Variants in APBA1 observed in about 807,000 individuals in gnomAD.
The protein encoded by APBA1 is amyloid-beta A4 precursor protein-binding family A member 1.
APBA1 carries 55 observed loss-of-function variants against 86.6 expected under a neutral mutation model. That is an observed-to-expected ratio of 0.64 (90% CI 0.51 to 0.80). The LOEUF (loss-of-function observed/expected upper bound fraction) is 0.80, where lower values mean the gene tolerates loss of function less well. Ranked by LOEUF, APBA1 falls within the 30% of genes least tolerant of loss-of-function variation. The probability of loss-of-function intolerance (pLI) is 0.00; values close to 1 mark genes in which losing one functional copy is unlikely to be tolerated. For synonymous variants in APBA1, 511 were observed against 493.9 expected (o/e 1.03, Z -0.46); for missense variants, 1,090 against 1,183.0 (o/e 0.92, Z 1.15).
intron 1 of APBA1, among the ~76,000 whole-genome samples, chr9:69,556,336 C>T (rs1053897245): frequency 5.3e-5 from 8 of 152,218 alleles, no homozygotes; most frequent in African/African-American, 1.9e-4. Context: ...TCAGTCCACA[C>T]TAAAGACTGA....
chr9:69,594,126 C>T (rs1822184247), intron 1 of APBA1, among the ~76,000 whole-genome samples: 1 of 152,136 alleles, frequency 6.6e-6, no homozygotes, highest in South Asian at 2.1e-4. Context: ...CCTGCTGGTT[C>T]TGTCCAACTT....
intron 1 of APBA1, among the ~76,000 whole-genome samples, chr9:69,539,548 C>G (rs781734719): frequency 2.0e-5 from 3 of 152,226 alleles, no homozygotes; most frequent in Non-Finnish European, 4.4e-5. Flanking sequence ...ACCATGTCAA[C>G]AGCTTCCTAA....
intron 1 of APBA1, among the ~76,000 whole-genome samples, chr9:69,520,253 A>G (rs1178009682): frequency 6.6e-6 from 1 of 152,204 alleles, no homozygotes; most frequent in East Asian, 1.9e-4. Context: ...TACGCTGGCA[A>G]CTTTGGGAGT....
intron 1 of APBA1, among the ~76,000 whole-genome samples, chr9:69,566,903 G>A (rs990160843): frequency 1.3e-5 from 2 of 151,912 alleles, no homozygotes; most frequent in African/African-American, 4.8e-5. Context: ...GGTCACAGTC[G>A]GCCTCACCCT....
intron 1 of APBA1, among the ~76,000 whole-genome samples, chr9:69,654,879 CA>C (rs1206208514): frequency 6.6e-6 from 1 of 152,076 alleles, no homozygotes; most frequent in African/African-American, 2.4e-5. Flanking sequence ...GGATTCATCC[CA>C]GGGGTGAAAG....
chr9:69,500,099 G>T (rs1245439461), intron 2 of APBA1, among the ~76,000 whole-genome samples: 1 of 152,084 alleles, frequency 6.6e-6, no homozygotes, highest in Non-Finnish European at 1.5e-5. Context: ...AAGGCTGACG[G>T]TATAATGCTG....
Position 69,590,683 on chromosome 9 carries a change from A to G in APBA1, c.-69-73404T>C, listed in dbSNP as rs116152787. 5.9e-3 allele frequency among the ~76,000 whole-genome samples: 904 copies of G among 152,292 alleles called. 10 individuals carry two copies. The highest frequency in any genetic ancestry group is 0.021 in the African/African-American group (856 of 41,574). On this transcript the variant is annotated intron_variant, in intron 1 of 12. Coordinates refer to ENST00000265381, the MANE Select transcript of APBA1 (RefSeq NM_001163.4). ...GAAATAATCACCCTCAATTTCCAGAAAGAGAACCGTGCTCTAATGCCCACG... is the reference window on the plus strand; with the variant it reads ...GAAATAATCACCCTCAATTTCCAGAGAGAGAACCGTGCTCTAATGCCCACG...
chr9:69,463,524 A>G (rs1272946669), intron 5 of APBA1: 1 of 152,248 alleles, frequency 6.6e-6, no homozygotes. Flanking sequence ...TACAGTTGGT[A>G]CTACATGAGT....
chr9:69,495,112 G>A (rs186086960), intron 2 of APBA1, among the ~76,000 whole-genome samples: 4 of 152,090 alleles, frequency 2.6e-5, no homozygotes, highest in South Asian at 2.1e-4. Flanking sequence ...CTGAGTGGTC[G>A]AGCAGCCTTT....
intron 1 of APBA1, among the ~76,000 whole-genome samples, chr9:69,592,921 T>A (rs1043409585): frequency 3.3e-4 from 50 of 152,232 alleles, no homozygotes; most frequent in African/African-American, 1.2e-3. Flanking sequence ...AATACATTAA[T>A]AGGAACTGAG....
intron 1 of APBA1, among the ~76,000 whole-genome samples, chr9:69,574,362 G>C (rs1355783365): frequency 2.0e-5 from 3 of 152,134 alleles, no homozygotes; most frequent in Non-Finnish European, 2.9e-5. Context: ...TCTCCAACCA[G>C]TTTCCCCTCC....
At chr9:69,584,303 A>T (rs1246744558) in intron 1 of APBA1, among the ~76,000 whole-genome samples, 3 of 152,180 alleles carry the variant, frequency 2.0e-5, no homozygotes, top group Non-Finnish European at 2.9e-5. Flanking sequence ...TAGTGGATGA[A>T]AAAGGTTAAC....
At chr9:69,485,234 A>G (rs1447352322) in intron 2 of APBA1, among the ~76,000 whole-genome samples, 1 of 152,056 alleles carries the variant, frequency 6.6e-6, no homozygotes, top group African/African-American at 2.4e-5. Context: ...TGTCTAATGG[A>G]AGCCTAAAAA....
At chr9:69,623,164 ATC>A (rs1175164742) in intron 1 of APBA1, among the ~76,000 whole-genome samples, 1 of 152,052 alleles carries the variant, frequency 6.6e-6, no homozygotes, top group Non-Finnish European at 1.5e-5. Context: ...TACATTATCA[ATC>A]TACAGTTGTT....
intron 6 of APBA1, among the ~76,000 whole-genome samples, chr9:69,457,372 C>G (rs1835116784): frequency 6.6e-6 from 1 of 152,138 alleles, no homozygotes; most frequent in African/African-American, 2.4e-5. Context: ...TTCTTCTTCC[C>G]CTATAGAAGC....
At chr9:69,543,915 T>C (rs1836657857) in intron 1 of APBA1, among the ~76,000 whole-genome samples, 1 of 152,204 alleles carries the variant, frequency 6.6e-6, no homozygotes, top group African/African-American at 2.4e-5. Flanking sequence ...TTGCACAGTA[T>C]AAAAACAAAT....
At chr9:69,445,000 G>A (rs1834884460) in intron 10 of APBA1, among the ~76,000 whole-genome samples, 1 of 152,192 alleles carries the variant, frequency 6.6e-6, no homozygotes, top group Non-Finnish European at 1.5e-5. Context: ...ATGAAGACAG[G>A]AGCATGTTGT....
chr9:69,665,448 A>G lies in APBA1; in HGVS notation c.-70+6705T>C, dbSNP rs115662605. ...TCTGTGTCCTGTTTGAAAAACAGCT[A>G]CCTATCTGCAGAAATCAAGGTAAAC... On this transcript the variant is annotated intron_variant, in intron 1 of 12. Coordinates refer to ENST00000265381, the MANE Select transcript of APBA1 (RefSeq NM_001163.4). Among the ~76,000 whole-genome samples the G allele has an allele frequency of 8.3e-3, 1,261 of 152,266 alleles. 17 individuals carry two copies. The highest frequency in any genetic ancestry group is 0.029 in the African/African-American group (1,204 of 41,546).
At chr9:69,550,106 G>T (rs2133927352) in intron 1 of APBA1, among the ~76,000 whole-genome samples, 1 of 152,260 alleles carries the variant, frequency 6.6e-6, no homozygotes, top group African/African-American at 2.4e-5. Context: ...TTCTGTATTG[G>T]ACCTTATAAT....
Sources: allele counts gnomAD v4.1 joint callset (sites outside exome capture counted in the v4.1 genomes callset), GRCh38; gene constraint gnomAD v4.1.1; transcripts MANE v1.5; gene names NCBI Gene and HGNC (gene_info 2026-07-23, HGNC 2026-07-21).